SMYD3: variants seen among roughly 807,000 people sequenced by gnomAD.
SMYD3 encodes histone-lysine N-methyltransferase SMYD3.
In SMYD3, 36 loss-of-function variants were observed where a neutral mutation model predicts 57.7. That is an observed-to-expected ratio of 0.62 (90% CI 0.48 to 0.82). SMYD3 has a LOEUF of 0.82. Among genes scored for constraint, SMYD3 ranks in the 40% least tolerant of loss-of-function variants. SMYD3 has a pLI of 0.00. For missense variants in SMYD3, 515 were observed against 538.8 expected (o/e 0.96, Z 0.44); for synonymous variants, 211 against 195.0 (o/e 1.08, Z -0.68).
intron 5 of SMYD3, among the ~76,000 whole-genome samples, chr1:246,270,773 G>A (rs1373871387): frequency 2.6e-5 from 4 of 152,180 alleles, no homozygotes; most frequent in African/African-American, 4.8e-5. Flanking sequence ...GTGCTGCTAT[G>A]AACACTGGCA....
At chr1:245,909,678 G>A (rs796995387) in intron 8 of SMYD3, among the ~76,000 whole-genome samples, 2 of 151,650 alleles carry the variant, frequency 1.3e-5, no homozygotes, top group African/African-American at 2.4e-5. Flanking sequence ...CAATAAAGGT[G>A]ATACATCACA....
intron 5 of SMYD3, among the ~76,000 whole-genome samples, chr1:246,241,559 T>C (rs2063611095): frequency 6.6e-6 from 1 of 152,212 alleles, no homozygotes; most frequent in Non-Finnish European, 1.5e-5. Context: ...TTATCTTTTT[T>C]TTGTTGTGTC....
chr1:246,081,520 G>A (rs1452988747), intron 5 of SMYD3, among the ~76,000 whole-genome samples: 2 of 152,120 alleles, frequency 1.3e-5, no homozygotes, highest in Admixed American at 1.3e-4. Flanking sequence ...AGCCTCCTGA[G>A]CAGCTGACAC....
At chr1:246,217,295 C>T (rs539788745) in intron 5 of SMYD3, among the ~76,000 whole-genome samples, 1 of 152,058 alleles carries the variant, frequency 6.6e-6, no homozygotes, top group Non-Finnish European at 1.5e-5. Context: ...AGAGTGTGAA[C>T]TTACAGCTTA....
intron 5 of SMYD3, among the ~76,000 whole-genome samples, chr1:246,267,152 T>C (rs1369699928): frequency 6.6e-6 from 1 of 152,184 alleles, no homozygotes; most frequent in Non-Finnish European, 1.5e-5. Flanking sequence ...AGCAATATTA[T>C]AATAAATGTG....
intron 8 of SMYD3, among the ~76,000 whole-genome samples, chr1:245,876,141 T>C (rs930645668): frequency 2.6e-5 from 4 of 152,130 alleles, no homozygotes; most frequent in Non-Finnish European, 5.9e-5. Context: ...CATGCCCACA[T>C]ACACACACAT....
At chr1:246,036,505 T>C (rs1392894116) in intron 5 of SMYD3, among the ~76,000 whole-genome samples, 5 of 151,538 alleles carry the variant, frequency 3.3e-5, no homozygotes, top group African/African-American at 4.8e-5. Flanking sequence ...AAACTACACA[T>C]CCTATTTTAT....
At chr1:246,320,939 G>A (rs115828175) in intron 5 of SMYD3, among the ~76,000 whole-genome samples, 217 of 152,322 alleles carry the variant, frequency 1.4e-3, no homozygotes, top group Non-Finnish European at 2.5e-3. Flanking sequence ...ATGCATGTGT[G>A]AGAAAGATTT....
intron 5 of SMYD3, among the ~76,000 whole-genome samples, chr1:246,074,690 GA>G (rs2060516485): frequency 6.6e-6 from 1 of 152,092 alleles, no homozygotes; most frequent in African/African-American, 2.4e-5. Context: ...GCTTCTTAAA[GA>G]AACAAAAGGA....
At chr1:245,750,626 G>A (rs1192342003) in intron 11 of SMYD3, among the ~76,000 whole-genome samples, 1 of 150,564 alleles carries the variant, frequency 6.6e-6, no homozygotes, top group Non-Finnish European at 1.5e-5. Flanking sequence ...TTCAGTTTTG[G>A]GATGGTTATG....
chr1:246,472,256 A>AG (rs991647470), intron 1 of SMYD3, among the ~76,000 whole-genome samples: 6 of 152,176 alleles, frequency 3.9e-5, no homozygotes, highest in Non-Finnish European at 2.9e-5. Flanking sequence ...TTGTGGAAGA[A>AG]GAAAAAAAAG....
chr1:246,116,412 C>T (rs890169214), intron 5 of SMYD3, among the ~76,000 whole-genome samples: 1 of 152,180 alleles, frequency 6.6e-6, no homozygotes, highest in African/African-American at 2.4e-5. Context: ...ATATAAAACA[C>T]ACATAATGGA....
chr1:246,235,560 A>T (rs752006912), intron 5 of SMYD3, among the ~76,000 whole-genome samples: 12,862 of 152,250 alleles, frequency 0.084, 729 homozygotes, highest in East Asian at 0.21. Flanking sequence ...ACAGACAAAA[A>T]GACATGTATG....
intron 5 of SMYD3, among the ~76,000 whole-genome samples, chr1:246,158,769 C>T (rs896442842): frequency 1.3e-5 from 2 of 152,086 alleles, no homozygotes; most frequent in Non-Finnish European, 2.9e-5. Context: ...TGACAAACTA[C>T]TGATTAAATG....
At chr1:246,365,422 G>C (rs1435529391) in intron 1 of SMYD3, among the ~76,000 whole-genome samples, 1 of 147,128 alleles carries the variant, frequency 6.8e-6, no homozygotes, top group Non-Finnish European at 1.5e-5. Flanking sequence ...TTGAGCCCGA[G>C]AGACTGAGGC....
intron 5 of SMYD3, among the ~76,000 whole-genome samples, chr1:246,038,358 T>C (rs1296345171): frequency 6.9e-6 from 1 of 144,902 alleles, no homozygotes; most frequent in Non-Finnish European, 1.5e-5. Flanking sequence ...CCACCAAGAG[T>C]CTTCTTAATG....
chr1:246,277,394 G>A (rs2064355758), intron 5 of SMYD3, among the ~76,000 whole-genome samples: 1 of 152,136 alleles, frequency 6.6e-6, no homozygotes, highest in Admixed American at 6.5e-5. Flanking sequence ...CTGCTGACTG[G>A]AATGCATCAT....
At chr1:246,103,290 C>G (rs1413412457) in intron 5 of SMYD3, among the ~76,000 whole-genome samples, 1 of 152,148 alleles carries the variant, frequency 6.6e-6, no homozygotes, top group African/African-American at 2.4e-5. Context: ...TTCTTATACT[C>G]TCATTCCTGA....
intron 1 of SMYD3, among the ~76,000 whole-genome samples, chr1:246,476,336 C>T (rs975370656): frequency 2.0e-5 from 3 of 152,180 alleles, no homozygotes; most frequent in Non-Finnish European, 4.4e-5. Context: ...ACTGGCTCCA[C>T]GGGCCAGTCC....
Sources: allele counts gnomAD v4.1 joint callset (sites outside exome capture counted in the v4.1 genomes callset), GRCh38; gene constraint gnomAD v4.1.1; transcripts MANE v1.5; gene names NCBI Gene and HGNC (gene_info 2026-07-23, HGNC 2026-07-21).